The following IL34 variants were observed in gnomAD, a reference collection of about 807,000 sequenced individuals.
IL34 encodes interleukin-34.
In IL34, 17 loss-of-function variants were observed where a neutral mutation model predicts 25.3. The ratio of observed to expected loss-of-function variants is 0.67; its 90% CI spans 0.46 to 1.01. The LOEUF (loss-of-function observed/expected upper bound fraction) is 1.01. Ranked by LOEUF, IL34 falls within the 50% of genes least tolerant of loss-of-function variation. The pLI is 0.00. For missense variants in IL34, 368 were observed against 312.9 expected, an observed-to-expected ratio of 1.18 and a Z score of -1.33; for synonymous variants, 174 against 140.9, an observed-to-expected ratio of 1.23 and a Z score of -1.66.
chr16:70,605,974 T>G (rs1171298037), intron 1 of IL34, among the ~76,000 whole-genome samples: 1 of 148,036 alleles, frequency 6.8e-6, no homozygotes, highest in Non-Finnish European at 1.5e-5. Context: ...ACCTGGTTTT[T>G]TTTTTTTTTT....
intron 1 of IL34, among the ~76,000 whole-genome samples, chr16:70,634,096 C>T (rs1265301311): frequency 1.3e-5 from 2 of 151,980 alleles, no homozygotes; most frequent in Non-Finnish European, 2.9e-5. Flanking sequence ...AGTGATCTGC[C>T]CGCCTCGGCC....
intron 1 of IL34, among the ~76,000 whole-genome samples, chr16:70,621,722 A>G (rs2051286784): frequency 6.6e-6 from 1 of 152,016 alleles, no homozygotes; most frequent in Non-Finnish European, 1.5e-5. Context: ...CAGTGAAGGG[A>G]GATAAGGGTG....
upstream of IL34, among the ~76,000 whole-genome samples, chr16:70,641,794 T>C (rs1025072933): frequency 7.6e-5 from 4 of 52,868 alleles, no homozygotes; most frequent in African/African-American, 3.5e-4. Context: ...CTTGAACTCC[T>C]GGGCTCAAGC....
Position 70,581,284 on chromosome 16 carries a change from C to G in IL34, c.-401+1235C>G, listed in dbSNP as rs553813260. 2.6e-5 allele frequency among the ~76,000 whole-genome samples: 4 copies of G among 152,278 alleles called. No homozygotes were observed. In the East Asian group the frequency reaches 7.7e-4, roughly 29 times the overall value. ...TGTTTTAAGGTCCACGTGGTATTCA[C>G]CAAGTTAACAGACCCATCCCTGGAC... is the stretch of plus-strand genomic sequence containing the variant. On this transcript the variant is annotated intron_variant, in intron 1 of 6. Transcript: ENST00000429149.
chr16:70,614,555 G>A (rs1057496682), intron 1 of IL34, among the ~76,000 whole-genome samples: 3 of 152,192 alleles, frequency 2.0e-5, no homozygotes, highest in Non-Finnish European at 4.4e-5. Context: ...TGCTGAACAC[G>A]GAACCTGTTT....
At chr16:70,637,323 CAATT>C (rs1339703440) in intron 1 of IL34, among the ~76,000 whole-genome samples, 1 of 151,970 alleles carries the variant, frequency 6.6e-6, no homozygotes, top group Non-Finnish European at 1.5e-5. Context: ...TTAGGTTTTA[CAATT>C]AATTCTATGG....
intron 1 of IL34, among the ~76,000 whole-genome samples, chr16:70,581,304 C>T (rs1425138414): frequency 6.6e-6 from 1 of 152,192 alleles, no homozygotes; most frequent in East Asian, 1.9e-4. Context: ...AGACCCATCC[C>T]TGGACGGGCA....
intron 1 of IL34, among the ~76,000 whole-genome samples, chr16:70,606,993 A>G (rs2051015269): frequency 6.6e-6 from 1 of 152,204 alleles, no homozygotes; most frequent in African/African-American, 2.4e-5. Flanking sequence ...TTTTGGTGCT[A>G]GTCTGTAGAC....
chr16:70,582,784 C>G (rs1166029354), intron 1 of IL34, among the ~76,000 whole-genome samples: 1 of 152,234 alleles, frequency 6.6e-6, no homozygotes, highest in Non-Finnish European at 1.5e-5. Context: ...CAAGATGCCT[C>G]TCTGCTGTTG....
chr16:70,598,536 T>G (rs1273006549), intron 1 of IL34, among the ~76,000 whole-genome samples: 1 of 151,974 alleles, frequency 6.6e-6, no homozygotes, highest in Non-Finnish European at 1.5e-5. Context: ...GTCAAGAGTT[T>G]GAGACCAGCC....
intron 1 of IL34, among the ~76,000 whole-genome samples, chr16:70,581,437 T>C (rs987387382): frequency 1.3e-5 from 2 of 150,466 alleles, no homozygotes; most frequent in South Asian, 2.1e-4. Flanking sequence ...TTATTGTTTT[T>C]TCCCCCCTTT....
Position 70,660,502 on chromosome 16 carries a change from C to T in IL34, c.*315C>T. The stretch of plus-strand genomic sequence containing the variant: ...GGGGTACTGAGCCTCCTGTGGCCCG[C>T]AGCAGTGAGGGCACAGCTGTGGGTT... On this transcript the variant is annotated 3_prime_UTR_variant, in exon 6 of 6. Transcript: ENST00000288098. The T allele has an allele frequency of 3.6e-6, 1 of 280,666 alleles. No individual in the cohort carries two copies. The highest frequency in any genetic ancestry group is 6.6e-6 in the Non-Finnish European group (1 of 150,670). 17.4% of individuals were successfully genotyped at this position (280,666 alleles called of 1,614,324 possible). A position where few individuals can be genotyped will look rare whatever the true frequency, so the allele number is the denominator to read the frequency against.
At position 70,646,947 on chromosome 16, in the gene IL34, C is replaced by A; in HGVS notation, c.-1C>A. ...CTCTCAGGGGGACGAGGAACACCAC[C>A]ATGCCCCGGGGCTTCACCTGGCTGC... On this transcript the variant is annotated 5_prime_UTR_variant, in exon 1 of 6. Coordinates refer to ENST00000288098, the MANE Select transcript of IL34 (RefSeq NM_001393494.1). 6.8e-7 allele frequency: 1 copy of A among 1,472,016 alleles called. No individual in the cohort carries two copies. The highest frequency in any genetic ancestry group is 8.9e-7 in the Non-Finnish European group (1 of 1,117,756). 91.2% of individuals were successfully genotyped at this position (1,472,016 alleles called of 1,614,324 possible). A position where few individuals can be genotyped will look rare whatever the true frequency, so the allele number is the denominator to read the frequency against.
chr16:70,650,569 AAAG>A (rs1256576072), intron 1 of IL34, among the ~76,000 whole-genome samples: 1 of 152,170 alleles, frequency 6.6e-6, no homozygotes, highest in African/African-American at 2.4e-5. Flanking sequence ...ACACAGGAAA[AAAG>A]ACCCAGTGTG....
chr16:70,647,632 C>G (rs976043144), intron 1 of IL34, among the ~76,000 whole-genome samples: 2 of 152,184 alleles, frequency 1.3e-5, no homozygotes, highest in Non-Finnish European at 2.9e-5. Flanking sequence ...CGGTGCCTCC[C>G]ACGTGCCCAC....
intron 1 of IL34, among the ~76,000 whole-genome samples, chr16:70,596,893 C>T (rs1291588721): frequency 6.6e-6 from 1 of 152,062 alleles, no homozygotes; most frequent in Non-Finnish European, 1.5e-5. Flanking sequence ...AGCCTCATTT[C>T]CATTTTACAG....
At chr16:70,611,307 T>C (rs1415141195) in intron 1 of IL34, among the ~76,000 whole-genome samples, 2 of 152,144 alleles carry the variant, frequency 1.3e-5, no homozygotes, top group African/African-American at 2.4e-5. Context: ...TTGTATCCAC[T>C]TCCTAGTTGC....
chr16:70,649,857 G>A (rs528111798), intron 1 of IL34, among the ~76,000 whole-genome samples: 5 of 151,912 alleles, frequency 3.3e-5, no homozygotes, highest in South Asian at 4.2e-4. Flanking sequence ...GGAGTGCTGC[G>A]GCACGATCTC....
chr16:70,657,400 G>A, intron 4 of IL34: 1 of 408,496 alleles, frequency 2.4e-6, no homozygotes, highest in Non-Finnish European at 4.4e-6. Flanking sequence ...TCCTGGGCAA[G>A]TCATCGTACC....
Sources: allele counts gnomAD v4.1 joint callset (sites outside exome capture counted in the v4.1 genomes callset), GRCh38; gene constraint gnomAD v4.1.1; transcripts MANE v1.5; gene names NCBI Gene and HGNC (gene_info 2026-07-23, HGNC 2026-07-21).